MAP3K7: variants seen among roughly 807,000 people sequenced by gnomAD.
MAP3K7 encodes the protein mitogen-activated protein kinase kinase kinase 7, also known as TGF-beta activated kinase 1.
Under a neutral mutation model 84.8 loss-of-function variants are expected in MAP3K7, and 21 were observed. The ratio of observed to expected loss-of-function variants is 0.25; its 90% CI spans 0.18 to 0.36. MAP3K7 has a LOEUF of 0.36. Among genes scored for constraint, MAP3K7 ranks in the 10% least tolerant of loss-of-function variants. The probability of loss-of-function intolerance (pLI) is 1.00; values close to 1 mark genes in which losing one functional copy is unlikely to be tolerated. For missense variants in MAP3K7, 503 were observed against 747.7 expected (o/e 0.67, Z 3.82); for synonymous variants, 241 against 247.7 (o/e 0.97, Z 0.25).
chr6:90,548,705 C>T (rs753200942), intron 9 of MAP3K7, among the ~76,000 whole-genome samples: 1 of 150,488 alleles, frequency 6.6e-6, no homozygotes, highest in African/African-American at 2.4e-5. Flanking sequence ...CCTGGGCACT[C>T]CAACATTTCT....
chr6:90,532,803 T>C (rs937805582), intron 13 of MAP3K7, among the ~76,000 whole-genome samples: 2 of 152,216 alleles, frequency 1.3e-5, no homozygotes, highest in African/African-American at 4.8e-5. Flanking sequence ...AATGATATGA[T>C]ACAGCTACAA....
chr6:90,575,091 ATACT>A (rs1174771585), intron 1 of MAP3K7, among the ~76,000 whole-genome samples: 2 of 152,248 alleles, frequency 1.3e-5, no homozygotes, highest in Non-Finnish European at 2.9e-5. Context: ...AGCACAGTCA[ATACT>A]TAAAGAATTA....
intron 13 of MAP3K7, among the ~76,000 whole-genome samples, chr6:90,524,048 G>A (rs909088971): frequency 6.6e-6 from 1 of 152,156 alleles, no homozygotes. Flanking sequence ...AAGTGCTTAA[G>A]CTGACAGCCC....
At chr6:90,551,978 T>C in intron 8 of MAP3K7, 71 bp downstream of exon 8, 2 of 1,499,740 alleles carry the variant, frequency 1.3e-6, no homozygotes, top group Non-Finnish European at 1.8e-6. Context: ...ACATCCCTTT[T>C]AAAATTCCAT....
intron 11 of MAP3K7, among the ~76,000 whole-genome samples, chr6:90,544,965 T>C (rs976398716): frequency 6.6e-6 from 1 of 151,822 alleles, no homozygotes. Context: ...TGATCTGTGA[T>C]GGGGGTGGGG....
At chr6:90,519,807 A>G (rs1487701726) in intron 14 of MAP3K7, among the ~76,000 whole-genome samples, 1 of 151,966 alleles carries the variant, frequency 6.6e-6, no homozygotes, top group Non-Finnish European at 1.5e-5. Flanking sequence ...CAATTTATAT[A>G]GATTATAATG....
At chr6:90,529,140 T>C (rs1315639475) in intron 13 of MAP3K7, among the ~76,000 whole-genome samples, 1 of 152,184 alleles carries the variant, frequency 6.6e-6, no homozygotes, top group African/African-American at 2.4e-5. Flanking sequence ...CTGAATCAAT[T>C]CTGAAATTCT....
At chr6:90,565,120 T>C (rs557540928) in intron 3 of MAP3K7, among the ~76,000 whole-genome samples, 8 of 152,166 alleles carry the variant, frequency 5.3e-5, no homozygotes, top group East Asian at 1.9e-4. Flanking sequence ...AGATCTAAAA[T>C]TGACACCCTA....
intron 14 of MAP3K7, among the ~76,000 whole-genome samples, chr6:90,521,806 T>A (rs1224228320): frequency 1.3e-5 from 2 of 152,078 alleles, no homozygotes; most frequent in Admixed American, 1.3e-4. Context: ...CCCATTATAT[T>A]ATAAATAGGA....
intron 5 of MAP3K7, among the ~76,000 whole-genome samples, chr6:90,557,101 T>C (rs988788118): frequency 9.9e-5 from 15 of 152,228 alleles, no homozygotes; most frequent in Non-Finnish European, 1.8e-4. Context: ...CTTCTAAAAA[T>C]GTTCAATCCC....
rs777171826 is a variant in MAP3K7 at position 90,571,685 on chromosome 6, A to G, written c.231+12T>C. 7.4e-6 allele frequency: 11 copies of G among 1,495,888 alleles called. No homozygotes were observed. The highest frequency in any genetic ancestry group is 1.0e-5 in the Non-Finnish European group (11 of 1,095,486). 92.7% of individuals were successfully genotyped at this position (1,495,888 alleles called of 1,614,324 possible). A position where few individuals can be genotyped will look rare whatever the true frequency, so the allele number is the denominator to read the frequency against. On this transcript the variant is annotated intron_variant, in intron 2 of 16. Coordinates refer to ENST00000369329, the MANE Select transcript of MAP3K7 (RefSeq NM_145331.3). ...TGCAGAACTACACAAAAGAAATGAA[A>G]TCTCAACTTACCTCTACAATAAACG...
chr6:90,514,090 G>GTA lies in MAP3K7; in HGVS notation c.*2410_*2411insTA, dbSNP rs1476814335. ...AATTAATGTAATTAGGGCTTACTCAGTGATTGTTTTTGAATTTCTTAGACT... is the reference window on the plus strand; with the variant it reads ...AATTAATGTAATTAGGGCTTACTCAGTATGATTGTTTTTGAATTTCTTAGACT... On this transcript the variant is annotated 3_prime_UTR_variant, in exon 17 of 17. Transcript: ENST00000369329. The GTA allele has an allele frequency of 1.4e-4, 22 of 151,870 alleles. No individual in the cohort carries two copies. Among genetic ancestry groups the GTA allele is most frequent in the African/African-American group, 5.3e-4 (22 of 41,366 alleles). 9.4% of individuals were successfully genotyped at this position (151,870 alleles called of 1,614,324 possible).
chr6:90,517,890 C>T (rs1007669642), intron 16 of MAP3K7, among the ~76,000 whole-genome samples: 1 of 151,490 alleles, frequency 6.6e-6, no homozygotes, highest in Non-Finnish European at 1.5e-5. Flanking sequence ...ATTCAGTTAC[C>T]TAAGTATAAA....
chr6:90,546,144 C>A (rs1003605358), intron 11 of MAP3K7, among the ~76,000 whole-genome samples: 22 of 152,010 alleles, frequency 1.4e-4, no homozygotes, highest in South Asian at 4.1e-4. Context: ...ACTGTTATTT[C>A]GGATATTCTG....
Position 90,580,794 on chromosome 6 carries a change from A to G in MAP3K7, c.120+5970T>C, listed in dbSNP as rs574537085. Among the ~76,000 whole-genome samples the G allele has an allele frequency of 3.3e-5, 5 of 152,352 alleles. No individual in the cohort carries two copies. In the South Asian group the frequency reaches 1.0e-3, roughly 32 times the overall value. ...ATCCTTCATTTGTAAAAAACAGAGG[A>G]ATGCAAAAAGGACTTTGGTTTTAAA... On this transcript the variant is annotated intron_variant, in intron 1 of 16. Coordinates refer to ENST00000369329, the MANE Select transcript of MAP3K7 (RefSeq NM_145331.3).
chr6:90,529,497 T>C (rs528429993), intron 13 of MAP3K7, among the ~76,000 whole-genome samples: 3 of 152,204 alleles, frequency 2.0e-5, no homozygotes, highest in South Asian at 2.1e-4. Flanking sequence ...TGAGAAAAAG[T>C]AGTAGCAGTA....
intron 13 of MAP3K7, among the ~76,000 whole-genome samples, chr6:90,526,107 T>C (rs1333775985): frequency 6.6e-6 from 1 of 152,152 alleles, no homozygotes; most frequent in Non-Finnish European, 1.5e-5. Context: ...CCTCCCAAAG[T>C]GCTGGGATTA....
At position 90,547,125 on chromosome 6, in the gene MAP3K7, A is replaced by C. The variant is rs140425031; in HGVS notation, c.1210+133T>G. 3,051 of 909,164 alleles carry C rather than the reference A, an allele frequency of 3.4e-3. 12 individuals are homozygous for C. The highest frequency in any genetic ancestry group is 3.6e-3 in the Non-Finnish European group (2,222 of 618,912). 56.3% of individuals were successfully genotyped at this position (909,164 alleles called of 1,614,324 possible). A position where few individuals can be genotyped will look rare whatever the true frequency, so the allele number is the denominator to read the frequency against. ...TAAACTATTGCTAGTAACTTAGAAA[A>C]ATATATTGTAAACCTACTTCCTATT... On this transcript the variant is annotated intron_variant, in intron 11 of 16. Transcript: ENST00000369329.
At chr6:90,562,156 G>T (rs561836696) in intron 3 of MAP3K7, among the ~76,000 whole-genome samples, 1 of 152,222 alleles carries the variant, frequency 6.6e-6, no homozygotes, top group Non-Finnish European at 1.5e-5. Context: ...AGCTACCAGC[G>T]TAAGCGACGC....
Sources: gnomAD v4.1 joint callset for allele counts (sites outside exome capture counted in the v4.1 genomes callset) on GRCh38, gnomAD v4.1.1 for gene constraint, MANE v1.5 for transcripts, NCBI Gene and HGNC (gene_info 2026-07-23, HGNC 2026-07-21) for gene names.